Variants in CELSR1 observed in about 807,000 individuals in gnomAD.
The protein encoded by CELSR1 is cadherin EGF LAG seven-pass G-type receptor 1.
A neutral mutation model predicts 249.1 loss-of-function variants in CELSR1; 110 were observed. The ratio of observed to expected loss-of-function variants is 0.44; its 90% CI spans 0.38 to 0.52. CELSR1 has a LOEUF of 0.52. Ranked by LOEUF, CELSR1 falls within the 20% of genes least tolerant of loss-of-function variation. CELSR1 has a pLI of 0.00. For synonymous variants in CELSR1, 2,113 were observed against 1,900.0 expected (o/e 1.11, Z -2.92); for missense variants, 4,109 against 4,296.4 (o/e 0.96, Z 1.22).
At position 46,437,527 on chromosome 22, in the gene CELSR1, G is replaced by A. The variant is rs1254409590; in HGVS notation, c.4407-1238C>T. Among the ~76,000 whole-genome samples, 2 of 152,154 alleles carry A rather than the reference G, an allele frequency of 1.3e-5. No individual in the cohort carries two copies. Among genetic ancestry groups the A allele is most frequent in the East Asian group, 1.9e-4 (1 of 5,194 alleles). The stretch of plus-strand genomic sequence containing the variant: ...TCCCAGCACTTTGGGAGGCCGAGGT[G>A]GGTGGATCACCTGAGGTCAGGTTGA... On this transcript the variant is annotated intron_variant, in intron 3 of 34. Coordinates refer to ENST00000674500, the MANE Select transcript of CELSR1 (RefSeq NM_001378328.1). This position sits in a 1 kb window ranked among gnomAD's most constrained non-coding sequence, Gnocchi z 4.9.
chr22:46,493,810 T>A (rs1234947201), intron 1 of CELSR1, among the ~76,000 whole-genome samples: 1 of 152,118 alleles, frequency 6.6e-6, no homozygotes, highest in Non-Finnish European at 1.5e-5. Context: ...GTGACTTTGA[T>A]CCTCCTTTGC....
chr22:46,421,779 C>G (rs1015651388), intron 5 of CELSR1, among the ~76,000 whole-genome samples: 4 of 152,264 alleles, frequency 2.6e-5, no homozygotes, highest in Non-Finnish European at 4.4e-5. Context: ...GATGGGAGCA[C>G]GTGCAGACTG....
In CELSR1 at chr22:46,534,470, T is replaced by G. The variant is rs1270420389; in HGVS notation, c.2701A>C (p.Ile901Leu). Reference sequence around the variant, plus strand: ...GTCGAGGGTGGAGCATCCTCAAAGATGGAACCCTGGTAGAAATCCCACAGG... The same window carrying G: ...GTCGAGGGTGGAGCATCCTCAAAGAGGGAACCCTGGTAGAAATCCCACAGG... Reference protein sequence around the residue: ...QFLWDFYQGSIFEDAPPSTSI... With the variant: ...QFLWDFYQGSLFEDAPPSTSI... The change falls in exon 1 of 35, where the codon ATC becomes CTC. Residue 901 changes from isoleucine to leucine, a missense_variant. Physicochemically the swap from Ile to Leu is conservative, Grantham distance 5 (BLOSUM62 2). Around this residue, in one of 7 missense-constraint regions of CELSR1, gnomAD observed 886 missense variants for 896.5 expected, o/e 0.99. Transcript: ENST00000674500. This position sits in a 1 kb window ranked among gnomAD's most constrained non-coding sequence, Gnocchi z 9.7. The G allele has an allele frequency of 6.2e-7, 1 of 1,613,136 alleles. No homozygotes were observed. Among genetic ancestry groups the G allele is most frequent in the East Asian group, 2.2e-5 (1 of 44,878 alleles).
intron 27 of CELSR1, among the ~76,000 whole-genome samples, chr22:46,368,234 G>A (rs2078809454): frequency 6.6e-6 from 1 of 152,166 alleles, no homozygotes; most frequent in Admixed American, 6.5e-5. Context: ...CTGTGACCCT[G>A]CAATCAGCTT....
At chr22:46,379,431 A>C (rs1217904867) in intron 22 of CELSR1, among the ~76,000 whole-genome samples, 6 of 152,248 alleles carry the variant, frequency 3.9e-5, no homozygotes, top group Admixed American at 3.9e-4. Context: ...CAAACTTTAC[A>C]ATCTGGGAAT....
chr22:46,365,325 G>GT lies in CELSR1; in HGVS notation c.8459dup (p.Tyr2820Ter), dbSNP rs748048086. The GT allele has an allele frequency of 3.7e-6, 6 of 1,612,950 alleles. No individual in the cohort carries two copies. The highest frequency in any genetic ancestry group is 2.2e-5 in the East Asian group (1 of 44,884). The change falls in exon 32 of 35, where the codon TAC (tyrosine) becomes TAAC (stop). Residue 2820 changes from tyrosine to a stop codon, truncating the protein, a stop_gained and frameshift_variant. Coordinates refer to ENST00000674500, the MANE Select transcript of CELSR1 (RefSeq NM_001378328.1). LOFTEE classifies it high-confidence loss of function. The part of the protein sequence containing the change: ...ELSLDEQSSS[Y>*]ASSHSSDSED... ...CGCTGTCTGACGAGTGTGAGGAGGC[G>GT]TAAGAGCTGCTCTGCTCATCCAGGG...
intron 1 of CELSR1, chr22:46,530,486 A>G (rs1237072205): frequency 2.0e-5 from 3 of 152,112 alleles, no homozygotes; most frequent in Non-Finnish European, 4.4e-5. Context: ...CCACTGGGTC[A>G]TCAGCCACGT....
In CELSR1 at chr22:46,395,029, C is replaced by G. The variant is rs1286144040; in HGVS notation, c.5844-767G>C. Reference sequence around the variant, plus strand: ...TGTCCTGCGGGCTCCTGCAATCCCCCCTGGCTAACCAAGTTCCCTCCACCC... The same window carrying G: ...TGTCCTGCGGGCTCCTGCAATCCCCGCTGGCTAACCAAGTTCCCTCCACCC... On this transcript the variant is annotated intron_variant, in intron 13 of 34. Coordinates refer to ENST00000674500, the MANE Select transcript of CELSR1 (RefSeq NM_001378328.1). The surrounding 1 kb of genome is among the most constrained non-coding windows in gnomAD (Gnocchi z 5.5). Among the ~76,000 whole-genome samples, 2 of 152,224 alleles carry G rather than the reference C, an allele frequency of 1.3e-5. No homozygotes were observed. The highest frequency in any genetic ancestry group is 1.3e-4 in the Admixed American group (2 of 15,286).
In CELSR1 at chr22:46,428,414, C is replaced by A. The variant is rs2079559479; in HGVS notation, c.4611+4979G>T. 6.6e-6 allele frequency among the ~76,000 whole-genome samples: 1 copy of A among 152,208 alleles called. No individual in the cohort carries two copies. The highest frequency in any genetic ancestry group is 6.5e-5 in the Admixed American group (1 of 15,288). On this transcript the variant is annotated intron_variant, in intron 5 of 34. Coordinates refer to ENST00000674500, the MANE Select transcript of CELSR1 (RefSeq NM_001378328.1). The surrounding 1 kb of genome is among the most constrained non-coding windows in gnomAD (Gnocchi z 5.7). The stretch of plus-strand genomic sequence containing the variant: ...CCGAGTGCCCCTTGGAGACCACCTG[C>A]TGCCCACGTAGAGGCTGCTGCCTCA...
intron 20 of CELSR1, 38 bp downstream of exon 20, chr22:46,384,505 G>T: frequency 6.4e-7 from 1 of 1,551,704 alleles, no homozygotes; most frequent in South Asian, 1.2e-5. Context: ...GAACGCTGGG[G>T]ACTCCGAGGG....
At chr22:46,524,379 C>T (rs9616038) in intron 1 of CELSR1, among the ~76,000 whole-genome samples, 42,939 of 152,098 alleles carry the variant, frequency 0.28, 7,237 homozygotes, top group African/African-American at 0.47. Context: ...TTGGGACACG[C>T]GTAAGCCTCC....
rs1039565654 is a variant in CELSR1, at chr22:46,408,880, C to T, written c.5226+116G>A. On this transcript the variant is annotated intron_variant, in intron 9 of 34. Coordinates refer to ENST00000674500, the MANE Select transcript of CELSR1 (RefSeq NM_001378328.1). The surrounding 1 kb of genome is among the most constrained non-coding windows in gnomAD (Gnocchi z 4.6). The stretch of plus-strand genomic sequence containing the variant: ...CTCTTCGGAGAACCCCAGGGGCGGG[C>T]GCCGGAGGAAGGGCGAGTAGCAGGT... 5.1e-6 allele frequency: 4 copies of T among 780,776 alleles called. No homozygotes were observed. The highest frequency in any genetic ancestry group is 2.1e-5 in the South Asian group (1 of 47,182). 48.4% of individuals were successfully genotyped at this position (780,776 alleles called of 1,614,324 possible).
Position 46,363,852 on chromosome 22 carries a change from T to TC in CELSR1, c.9035+143dup. On this transcript the variant is annotated intron_variant, in intron 34 of 34. Coordinates refer to ENST00000674500, the MANE Select transcript of CELSR1 (RefSeq NM_001378328.1). This position sits in a 1 kb window ranked among gnomAD's most constrained non-coding sequence, Gnocchi z 4.3. ...GACCTCAGCTGCAGCGCCTCCCCCCTCCCCCATCCCCGCCTGGGCTTCCTC... is the reference window on the plus strand; with the variant it reads ...GACCTCAGCTGCAGCGCCTCCCCCCTCCCCCCATCCCCGCCTGGGCTTCCTC... 1 of 1,126,434 alleles carries TC rather than the reference T, an allele frequency of 8.9e-7. No homozygotes were observed. Among genetic ancestry groups the TC allele is most frequent in the South Asian group, 1.7e-5 (1 of 57,764 alleles). 69.8% of individuals were successfully genotyped at this position (1,126,434 alleles called of 1,614,324 possible).
intron 5 of CELSR1, among the ~76,000 whole-genome samples, chr22:46,425,681 T>A (rs1239893494): frequency 6.9e-6 from 1 of 145,924 alleles, no homozygotes; most frequent in Non-Finnish European, 1.5e-5. Context: ...ACGCTAGAAG[T>A]TTTCCCCCGC....
intron 1 of CELSR1, among the ~76,000 whole-genome samples, chr22:46,520,459 G>A (rs1197423942): frequency 6.6e-6 from 1 of 151,894 alleles, no homozygotes; most frequent in East Asian, 1.9e-4. Flanking sequence ...ATCTTAACAT[G>A]GTAACCACTT....
At chr22:46,497,790 A>C (rs571960859) in intron 1 of CELSR1, among the ~76,000 whole-genome samples, 12 of 152,248 alleles carry the variant, frequency 7.9e-5, no homozygotes, top group Non-Finnish European at 1.6e-4. Flanking sequence ...CCAGATTCCT[A>C]TGGGGTTTTC....
rs2080159489 is a variant in CELSR1 at position 46,471,917 on chromosome 22, T to C, written c.3545-7572A>G. On this transcript the variant is annotated intron_variant, in intron 1 of 34. Transcript: ENST00000674500. This position sits in a 1 kb window ranked among gnomAD's most constrained non-coding sequence, Gnocchi z 4.9. ...CTGTGGCCTTCAGGTGATGACGACT[T>C]TCTGCCTCACGCTGTCCCCCGTGGT... Among the ~76,000 whole-genome samples the C allele has an allele frequency of 6.6e-6, 1 of 152,132 alleles. No homozygotes were observed. The highest frequency in any genetic ancestry group is 2.4e-5 in the African/African-American group (1 of 41,430).
chr22:46,466,480 G>A (rs570668428), intron 1 of CELSR1, among the ~76,000 whole-genome samples: 5 of 152,262 alleles, frequency 3.3e-5, no homozygotes, highest in East Asian at 1.9e-4. Context: ...CCAGGGCCCC[G>A]GCCAATGGAA....
Position 46,396,555 on chromosome 22 carries a change from C to T in CELSR1, c.5843+50G>A, listed in dbSNP as rs763143248. The T allele has an allele frequency of 1.4e-6, 2 of 1,465,204 alleles. No homozygotes were observed. Among genetic ancestry groups the T allele is most frequent in the South Asian group, 1.5e-5 (1 of 67,176 alleles). The allele number at this position is 1,465,204 out of a possible 1,614,324, so 90.8% of individuals were successfully genotyped here. ...GAGAAGACACTGAGTCGAGGGAACA[C>T]AGCCACATGGACTCTGAAGGTGCAG... On this transcript the variant is annotated intron_variant, in intron 13 of 34. Coordinates refer to ENST00000674500, the MANE Select transcript of CELSR1 (RefSeq NM_001378328.1). The surrounding 1 kb of genome is among the most constrained non-coding windows in gnomAD (Gnocchi z 6.4).
Sources: gnomAD v4.1 joint callset for allele counts (sites outside exome capture counted in the v4.1 genomes callset) on GRCh38, gnomAD v4.1.1 for gene constraint, gnomAD v4.1.1 regional missense constraint, Gnocchi (gnomAD v3.1) non-coding constraint, MANE v1.5 for transcripts, NCBI Gene and HGNC (gene_info 2026-07-23, HGNC 2026-07-21) for gene names.